MAPK7: variants seen among roughly 807,000 people sequenced by gnomAD.
MAPK7 encodes BMK-1.
In MAPK7, 30 loss-of-function variants were observed where a neutral mutation model predicts 56.9. The observed-to-expected ratio is 0.53, with a 90% CI of 0.39 to 0.72. The LOEUF (loss-of-function observed/expected upper bound fraction) is 0.72, where lower values mean the gene tolerates loss of function less well. Among genes scored for constraint, MAPK7 ranks in the 30% least tolerant of loss-of-function variants. The probability of loss-of-function intolerance (pLI) is 0.00; values close to 1 mark genes in which losing one functional copy is unlikely to be tolerated. For synonymous variants in MAPK7, 516 were observed against 449.3 expected (o/e 1.15, Z -1.88); for missense variants, 952 against 1,110.8 (o/e 0.86, Z 2.03).
At position 19,383,324 on chromosome 17, in the gene MAPK7, A is replaced by C; in HGVS notation, c.*93A>C. The C allele has an allele frequency of 7.1e-7, 1 of 1,416,438 alleles. No homozygotes were observed. Among genetic ancestry groups the C allele is most frequent in the Non-Finnish European group, 9.6e-7 (1 of 1,039,754 alleles). The allele number at this position is 1,416,438 out of a possible 1,614,324, so 87.7% of individuals were successfully genotyped here. On this transcript the variant is annotated 3_prime_UTR_variant, in exon 7 of 7. Transcript: ENST00000395604. ...GCTTTAGCCCTGGACCCAGCAGGTG[A>C]GGCTCGGCTTGGATTATTCTGCAGG... is the stretch of plus-strand genomic sequence containing the variant.
Position 19,379,036 on chromosome 17 carries a change from G to C in MAPK7, c.136G>C (p.Asp46His). 1.9e-6 allele frequency: 3 copies of C among 1,614,106 alleles called. No individual in the cohort carries two copies. Among genetic ancestry groups the C allele is most frequent in the Non-Finnish European group, 2.5e-6 (3 of 1,180,000 alleles). Residue 46 changes from aspartate to histidine, a missense_variant, in exon 2 of 7, where the codon GAT becomes CAT. Physicochemically the swap from Asp to His is moderately conservative, Grantham distance 81. Coordinates refer to ENST00000395604, the MANE Select transcript of MAPK7 (RefSeq NM_002749.4). ...NLALLKARSF[D>H]VTFDVGDEYE... ...GGCCCTGCTTAAAGCCCGCTCCTTC[G>C]ATGTGACCTTTGACGTGGGCGACGA...
At position 19,381,907 on chromosome 17, in the gene MAPK7, G is replaced by A. The variant is rs754719194; in HGVS notation, c.1604G>A (p.Arg535Gln). ...CGAGCCAAGGAGCGGGAGAAACGGC[G>A]GCAGGAGCGGGAGCGAAAGGAACGG... is the stretch of plus-strand genomic sequence containing the variant. ...QERAKEREKR[R>Q]QERERKERGA... The change falls in exon 5 of 7, where the codon CGG becomes CAG. Residue 535 changes from arginine to glutamine, a missense_variant. By Grantham distance (43) the Arg-to-Gln change is conservative. This residue lies in a region of MAPK7 where 429 missense variants were observed against 533.0 expected (regional missense o/e 0.80). Transcript: ENST00000395604. The surrounding 1 kb of genome is among the most constrained non-coding windows in gnomAD (Gnocchi z 4.6). 1.9e-6 allele frequency: 3 copies of A among 1,556,404 alleles called. No individual in the cohort carries two copies. The highest frequency in any genetic ancestry group is 2.6e-6 in the Non-Finnish European group (3 of 1,149,664).
chr17:19,380,905 C>T lies in MAPK7; in HGVS notation c.696C>T (p.Leu232=). 6.2e-7 allele frequency: 1 copy of T among 1,614,228 alleles called. No homozygotes were observed. Among genetic ancestry groups the T allele is most frequent in the Non-Finnish European group, 8.5e-7 (1 of 1,180,042 alleles). Reference sequence around the variant, plus strand: ...CGCGCTGGTACCGTGCGCCCGAGCTCATGCTCTCTTTGCATGAGTATACAC... The same window carrying T: ...CGCGCTGGTACCGTGCGCCCGAGCTTATGCTCTCTTTGCATGAGTATACAC... The part of the protein sequence containing the change: ...VATRWYRAPE[L]MLSLHEYTQA... Residue 232 remains leucine, a synonymous_variant, in exon 4 of 7, where the codon CTC becomes CTT. Coordinates refer to ENST00000395604, the MANE Select transcript of MAPK7 (RefSeq NM_002749.4).
rs771442649 is a variant in MAPK7, at chr17:19,379,864, C to T, written c.315C>T (p.Ile105=). ...NAKRTLRELK[I]LKHFKHDNII... The stretch of plus-strand genomic sequence containing the variant: ...AGCGGACCCTCAGGGAGCTGAAGAT[C>T]CTCAAGCACTTTAAACACGACAACA... The change falls in exon 3 of 7, where the codon ATC becomes ATT. Residue 105 remains isoleucine (I), a synonymous_variant. Coordinates refer to ENST00000395604, the MANE Select transcript of MAPK7 (RefSeq NM_002749.4). 73 of 1,614,096 alleles carry T rather than the reference C, an allele frequency of 4.5e-5. No individual in the cohort carries two copies. The Admixed American group carries it at 5.7e-4, about 13-fold the overall frequency.
Position 19,381,630 on chromosome 17 carries a change from A to G in MAPK7, c.1421A>G (p.Asn474Ser), listed in dbSNP as rs769395341. Residue 474 changes from asparagine to serine, a missense_variant, in exon 4 of 7, where the codon AAT (asparagine) becomes AGT (serine). Physicochemically the swap from Asn to Ser is conservative, Grantham distance 46. Around this residue, in one of 5 missense-constraint regions of MAPK7, gnomAD observed 429 missense variants for 533.0 expected, o/e 0.80. Coordinates refer to ENST00000395604, the MANE Select transcript of MAPK7 (RefSeq NM_002749.4). The surrounding 1 kb of genome is among the most constrained non-coding windows in gnomAD (Gnocchi z 4.6). ...AAGAAAGATGGTGCCATCTCAGACA[A>G]TACTAAGGCTGCCCTTAAAGCTGCC... Reference protein sequence around the residue: ...PPKKDGAISDNTKAALKAALL... With the variant: ...PPKKDGAISDSTKAALKAALL... The G allele has an allele frequency of 3.1e-6, 5 of 1,612,882 alleles. No homozygotes were observed. The highest frequency in any genetic ancestry group is 4.2e-6 in the Non-Finnish European group (5 of 1,179,438).
rs142428761 is a variant in MAPK7, at chr17:19,379,131, C to G, written c.231C>G (p.Thr77=). 3 of 1,611,698 alleles carry G rather than the reference C, an allele frequency of 1.9e-6. No individual in the cohort carries two copies. The highest frequency in any genetic ancestry group is 2.7e-5 in the African/African-American group (2 of 74,906). ...GVVSSARRRL[T]GQQVAIKKIP... is the part of the protein sequence containing the mutation. ...TGTCCTCCGCCCGCCGCCGCCTCAC[C>G]GGTGAGCTTCCTGAGCCGTCGCCTC... The change falls in exon 2 of 7, where the codon ACC becomes ACG. Residue 77 remains threonine (T), a splice_region_variant and synonymous_variant. Coordinates refer to ENST00000395604, the MANE Select transcript of MAPK7 (RefSeq NM_002749.4).
intron 2 of MAPK7, 61 bp from the exon 3 acceptor site, chr17:19,379,721 G>T: frequency 6.5e-7 from 1 of 1,528,416 alleles, no homozygotes; most frequent in Non-Finnish European, 9.0e-7. Context: ...GATAGGGGCT[G>T]AGTCGACTCT....
chr17:19,379,640 C>G, intron 2 of MAPK7, 142 bp from the exon 3 acceptor site: 1 of 709,616 alleles, frequency 1.4e-6, no homozygotes, highest in Middle Eastern at 4.0e-4. Flanking sequence ...ATGCTTAGCA[C>G]AGGGCTTGGC....
intron 2 of MAPK7, chr17:19,379,528 T>C: frequency 1.8e-6 from 1 of 568,284 alleles, no homozygotes; most frequent in South Asian, 2.2e-5. Flanking sequence ...CCGTGCAACC[T>C]CCAACAAGTT....
In MAPK7 at chr17:19,383,258, C is replaced by T. The variant is rs1473568718; in HGVS notation, c.*27C>T. 1.2e-6 allele frequency: 2 copies of T among 1,611,396 alleles called. No homozygotes were observed. Among genetic ancestry groups the T allele is most frequent in the East Asian group, 2.2e-5 (1 of 44,844 alleles). Reference sequence around the variant, plus strand: ...GCCCCCAGCCTGTGCCTTGCTGCCACAGTAGACCTAGTTCCAGGATCCATG... The same window carrying T: ...GCCCCCAGCCTGTGCCTTGCTGCCATAGTAGACCTAGTTCCAGGATCCATG... On this transcript the variant is annotated 3_prime_UTR_variant, in exon 7 of 7. Coordinates refer to ENST00000395604, the MANE Select transcript of MAPK7 (RefSeq NM_002749.4).
chr17:19,379,973 C>G, intron 3 of MAPK7, 26 bp downstream of exon 3: 2 of 1,602,404 alleles, frequency 1.2e-6, no homozygotes, highest in South Asian at 2.2e-5. Flanking sequence ...GGAGAGGGAG[C>G]CAGACTTGGG....
At position 19,378,829 on chromosome 17, in the gene MAPK7, C is replaced by G. The variant is rs1021971502; in HGVS notation, c.-5-67C>G. 1 of 1,405,174 alleles carries G rather than the reference C, an allele frequency of 7.1e-7. No individual in the cohort carries two copies. Among genetic ancestry groups the G allele is most frequent in the Non-Finnish European group, 9.7e-7 (1 of 1,034,568 alleles). 87.0% of individuals were successfully genotyped at this position (1,405,174 alleles called of 1,614,324 possible). ...CTGGGAAGTTCCCTGGTCCTGCTCC[C>G]CAGCCCGCAGAGGGGACACTGAGGC... On this transcript the variant is annotated intron_variant, in intron 1 of 6. Coordinates refer to ENST00000395604, the MANE Select transcript of MAPK7 (RefSeq NM_002749.4). The surrounding 1 kb of genome is among the most constrained non-coding windows in gnomAD (Gnocchi z 5.4).
chr17:19,382,261 C>T lies in MAPK7; in HGVS notation c.1958C>T (p.Ala653Val), dbSNP rs749056959. ...TGPPGPIPVP[A>V]PPQIATSTSL... ...CCTCCTGGGCCCATCCCTGTCCCCG[C>T]GCCACCCCAGATTGCCACCTCCACC... The change falls in exon 5 of 7, where the codon GCG (alanine) becomes GTG (valine). Residue 653 changes from alanine (A) to valine (V), a missense_variant. Ala to Val is a moderately conservative substitution (Grantham distance 64). Transcript: ENST00000395604. 3.2e-5 allele frequency: 52 copies of T among 1,612,166 alleles called. No individual in the cohort carries two copies. The highest frequency in any genetic ancestry group is 1.6e-4 in the Middle Eastern group (1 of 6,072).
chr17:19,381,675 G>A lies in MAPK7; in HGVS notation c.1466G>A (p.Ser489Asn). 1 of 1,592,372 alleles carries A rather than the reference G, an allele frequency of 6.3e-7. No homozygotes were observed. Among genetic ancestry groups the A allele is most frequent in the Non-Finnish European group, 8.6e-7 (1 of 1,168,954 alleles). The change falls in exon 4 of 7, where the codon AGC becomes AAC. Residue 489 changes from serine (S) to asparagine (N), a missense_variant. Around this residue, in one of 5 missense-constraint regions of MAPK7, gnomAD observed 429 missense variants for 533.0 expected, o/e 0.80. Coordinates refer to ENST00000395604, the MANE Select transcript of MAPK7 (RefSeq NM_002749.4). This position sits in a 1 kb window ranked among gnomAD's most constrained non-coding sequence, Gnocchi z 4.6. ...GCTGCCCTGCTCAAGTCTTTGAGGA[G>A]CCGGCTCAGAGGTGCCTTGTGGGCA... ...LKAALLKSLR[S>N]RLRDGPSAPL... is the part of the protein sequence containing the mutation.
In MAPK7 at chr17:19,383,005, G is replaced by T; in HGVS notation, c.2297+59G>T. On this transcript the variant is annotated intron_variant, in intron 6 of 6. Coordinates refer to ENST00000395604, the MANE Select transcript of MAPK7 (RefSeq NM_002749.4). Reference sequence around the variant, plus strand: ...CTGTGGGGAGAGGTTCCTGGTGCAGGAGACATGCACCTGTGGGATGGGTGA... The same window carrying T: ...CTGTGGGGAGAGGTTCCTGGTGCAGTAGACATGCACCTGTGGGATGGGTGA... 4 of 1,612,906 alleles carry T rather than the reference G, an allele frequency of 2.5e-6. 1 individual carries two copies. In the South Asian group the frequency reaches 4.4e-5, roughly 18 times the overall value.
chr17:19,382,654 G>A (rs1912819978), intron 5 of MAPK7, among the ~76,000 whole-genome samples, 159 bp from the exon 6 acceptor site: 1 of 152,262 alleles, frequency 6.6e-6, no homozygotes, highest in Non-Finnish European at 1.5e-5. Context: ...AATATGGCCT[G>A]CAAAGTGCCT....
chr17:19,378,154 G>A, upstream of MAPK7: 1 of 978,616 alleles, frequency 1.0e-6, no homozygotes. This position sits in a 1 kb window ranked among gnomAD's most constrained non-coding sequence, Gnocchi z 5.4. Flanking sequence ...CGAGCTCACG[G>A]GACTAGCTGT....
chr17:19,378,205 C>A, upstream of MAPK7: 1 of 985,120 alleles, frequency 1.0e-6, no homozygotes, highest in Non-Finnish European at 1.2e-6. This position sits in a 1 kb window ranked among gnomAD's most constrained non-coding sequence, Gnocchi z 5.4. Context: ...GGGACGCGCG[C>A]GCTACGTGCA....
In MAPK7 at chr17:19,380,639, C is replaced by T; in HGVS notation, c.430C>T (p.Leu144=). 6.2e-7 allele frequency: 1 copy of T among 1,608,798 alleles called. No homozygotes were observed. The highest frequency in any genetic ancestry group is 8.5e-7 in the Non-Finnish European group (1 of 1,175,876). ...YVVLDLMESD[L]HQIIHSSQPL... ...GGTCCTGGACCTGATGGAAAGCGAC[C>T]TGCACCAGATCATCCACTCCTCACA... The change falls in exon 4 of 7, where the codon CTG becomes TTG. Residue 144 remains leucine, a synonymous_variant. Transcript: ENST00000395604.
Sources: allele counts gnomAD v4.1 joint callset (sites outside exome capture counted in the v4.1 genomes callset), GRCh38; gene constraint gnomAD v4.1.1; regional missense constraint gnomAD v4.1.1; non-coding constraint Gnocchi (gnomAD v3.1); transcripts MANE v1.5; gene names NCBI Gene and HGNC (gene_info 2026-07-23, HGNC 2026-07-21).